OXR1: variants seen among roughly 807,000 people sequenced by gnomAD.
The protein encoded by OXR1 is oxidation resistance protein 1.
In OXR1, 41 loss-of-function variants were observed where a neutral mutation model predicts 104.6. The ratio of observed to expected loss-of-function variants is 0.39; its 90% CI spans 0.31 to 0.51. The LOEUF (loss-of-function observed/expected upper bound fraction) is 0.51. Among genes scored for constraint, OXR1 ranks in the 20% least tolerant of loss-of-function variants. The pLI, the probability that OXR1 is intolerant of heterozygous loss-of-function variation, is 0.77. For synonymous variants in OXR1, 348 were observed against 348.4 expected, an observed-to-expected ratio of 1.00 and a Z score of 0.01; for missense variants, 955 against 1,031.9, an observed-to-expected ratio of 0.93 and a Z score of 1.02.
chr8:106,328,496 T>G (rs1307480432), intron 1 of OXR1, among the ~76,000 whole-genome samples: 1 of 152,194 alleles, frequency 6.6e-6, no homozygotes, highest in Admixed American at 6.5e-5. Flanking sequence ...ATATCCTACA[T>G]TAAAAGTTAA....
chr8:106,588,280 TAGA>T (rs2130676337), intron 3 of OXR1, among the ~76,000 whole-genome samples: 2 of 151,454 alleles, frequency 1.3e-5, no homozygotes, highest in South Asian at 4.2e-4. Flanking sequence ...TTTTTTTAAA[TAGA>T]AGAAGAAACT....
At chr8:106,533,723 T>TC (rs1402018879) in intron 3 of OXR1, among the ~76,000 whole-genome samples, 1 of 151,542 alleles carries the variant, frequency 6.6e-6, no homozygotes, top group Non-Finnish European at 1.5e-5. Flanking sequence ...TTTTTTTTTT[T>TC]TTTTTTTGGA....
intron 3 of OXR1, among the ~76,000 whole-genome samples, chr8:106,586,772 A>G (rs1238245015): frequency 6.6e-6 from 1 of 152,084 alleles, no homozygotes; most frequent in Non-Finnish European, 1.5e-5. Context: ...CCTGGGGGCG[A>G]GTGAGGAAAG....
intron 2 of OXR1, among the ~76,000 whole-genome samples, chr8:106,501,656 C>T (rs1434305554): frequency 6.6e-6 from 1 of 152,144 alleles, no homozygotes; most frequent in East Asian, 1.9e-4. Context: ...TTCTGAAATG[C>T]CTCCTGCCTC....
chr8:106,458,712 A>T (rs1316065186), intron 2 of OXR1, among the ~76,000 whole-genome samples: 5 of 152,102 alleles, frequency 3.3e-5, no homozygotes, highest in Admixed American at 6.5e-5. Flanking sequence ...GGACTGCCTG[A>T]GGCCTTAGGA....
intron 2 of OXR1, among the ~76,000 whole-genome samples, chr8:106,470,210 A>G (rs929352447): frequency 6.6e-6 from 1 of 151,814 alleles, no homozygotes; most frequent in African/African-American, 2.4e-5. Context: ...TGAGCAGAAG[A>G]CATCATCTGT....
chr8:106,546,932 G>A (rs960988203), intron 3 of OXR1, among the ~76,000 whole-genome samples: 75 of 152,160 alleles, frequency 4.9e-4, no homozygotes, highest in African/African-American at 1.7e-3. Context: ...TCACTATGTC[G>A]CCAGGCTGGA....
At position 106,710,650 on chromosome 8, in the gene OXR1, G is replaced by C. The variant is rs762521311; in HGVS notation, c.1653G>C (p.Arg551Ser). 188 of 1,589,630 alleles carry C rather than the reference G, an allele frequency of 1.2e-4. 1 individual carries two copies. The highest frequency in any genetic ancestry group is 1.6e-4 in the Non-Finnish European group (184 of 1,169,056). The change falls in exon 10 of 17, where the codon AGG (arginine) becomes AGC (serine). Residue 551 changes from arginine to serine, a missense_variant. Coordinates refer to ENST00000517566, the MANE Select transcript of OXR1 (RefSeq NM_001198533.2). ...ESSALLKEKQRHRLHKFLCLR... is the reference protein window; with the variant it reads ...ESSALLKEKQSHRLHKFLCLR... ...CTGCACTTTTAAAAGAAAAGCAAAG[G>C]CATCGATTACATAAGTTCTTGTGTC...
chr8:106,706,671 A>G lies in OXR1; in HGVS notation c.1150A>G (p.Lys384Glu). Residue 384 changes from lysine to glutamate, a missense_variant, in exon 9 of 17, where the codon AAA becomes GAA. Around this residue, in one of 2 missense-constraint regions of OXR1, gnomAD observed 849 missense variants for 852.9 expected, o/e 1.00. Coordinates refer to ENST00000517566, the MANE Select transcript of OXR1 (RefSeq NM_001198533.2). ...GGCTGAAGTAGAAAGTCTGACAGTC[A>G]AATCAGAATCTACTGGTACTCCTGG... is the stretch of plus-strand genomic sequence containing the variant. ...NQAEVESLTV[K>E]SESTGTPGHL... 6.2e-7 allele frequency: 1 copy of G among 1,613,386 alleles called. No homozygotes were observed. Among genetic ancestry groups the G allele is most frequent in the Non-Finnish European group, 8.5e-7 (1 of 1,179,692 alleles).
intron 2 of OXR1, among the ~76,000 whole-genome samples, chr8:106,454,010 G>T (rs1230801950): frequency 6.6e-6 from 1 of 151,762 alleles, no homozygotes; most frequent in Non-Finnish European, 1.5e-5. Flanking sequence ...TATACTTCAG[G>T]AAAAAAGATT....
chr8:106,374,573 T>A (rs1816836183), intron 2 of OXR1, among the ~76,000 whole-genome samples: 1 of 152,226 alleles, frequency 6.6e-6, no homozygotes, highest in Non-Finnish European at 1.5e-5. Flanking sequence ...AGAGGTCACA[T>A]AAATGATATT....
In OXR1 at chr8:106,447,970, G is replaced by C; in HGVS notation, c.24-70973G>C. The C allele has an allele frequency of 2.0e-6, 3 of 1,535,296 alleles. No homozygotes were observed. The South Asian group carries it at 3.6e-5, about 18-fold the overall frequency. ...CTCACAGGTAACAGAACTCTGATCA[G>C]ATCCGCCCCGGCTCCCACACAGCTA... On this transcript the variant is annotated intron_variant, in intron 2 of 16. Coordinates refer to ENST00000517566, the MANE Select transcript of OXR1 (RefSeq NM_001198533.2).
chr8:106,641,196 T>C (rs908743342), intron 3 of OXR1, among the ~76,000 whole-genome samples: 5 of 152,202 alleles, frequency 3.3e-5, no homozygotes, highest in Admixed American at 2.6e-4. Context: ...CATCTTTCAT[T>C]CCCAGATTTT....
intron 2 of OXR1, among the ~76,000 whole-genome samples, chr8:106,361,606 A>AT (rs971163574): frequency 4.6e-4 from 70 of 152,006 alleles, no homozygotes; most frequent in African/African-American, 1.6e-3. Flanking sequence ...TTAACCTTCT[A>AT]TTTTTTTTAT....
intron 2 of OXR1, among the ~76,000 whole-genome samples, chr8:106,492,175 G>T (rs1321326599): frequency 6.6e-6 from 1 of 152,158 alleles, no homozygotes; most frequent in Non-Finnish European, 1.5e-5. Context: ...AGGTGCCTGG[G>T]TCACAGTTTG....
intron 2 of OXR1, among the ~76,000 whole-genome samples, chr8:106,499,464 C>T (rs1378075286): frequency 6.6e-6 from 1 of 152,112 alleles, no homozygotes; most frequent in Non-Finnish European, 1.5e-5. Context: ...CTTTCTTAGT[C>T]TATGTTGACA....
At chr8:106,746,816 C>T (rs1405950453) in intron 16 of OXR1, among the ~76,000 whole-genome samples, 1 of 152,058 alleles carries the variant, frequency 6.6e-6, no homozygotes, top group African/African-American at 2.4e-5. Flanking sequence ...TTCAGCCCTC[C>T]CCTAAACAGT....
rs151213967 is a variant in OXR1, at chr8:106,528,752, T to A, written c.220+9613T>A. Among the ~76,000 whole-genome samples, 142 of 152,318 alleles carry A rather than the reference T, an allele frequency of 9.3e-4. 2 individuals carry two copies. Among genetic ancestry groups the A allele is most frequent in the Non-Finnish European group, 3.7e-4 (25 of 68,022 alleles). ...ACTAATCTTGCTAGAGGTGGCACAT[T>A]CTGCAGTGTGAAACTAGGTCACCAC... is the stretch of plus-strand genomic sequence containing the variant. On this transcript the variant is annotated intron_variant, in intron 3 of 16. Coordinates refer to ENST00000517566, the MANE Select transcript of OXR1 (RefSeq NM_001198533.2).
At chr8:106,288,118 A>G (rs552267896) in intron 1 of OXR1, among the ~76,000 whole-genome samples, 1 of 152,326 alleles carries the variant, frequency 6.6e-6, no homozygotes, top group East Asian at 1.9e-4. Context: ...CTGCAGCCTG[A>G]AGACAGCTGG....
Sources: allele counts gnomAD v4.1 joint callset (sites outside exome capture counted in the v4.1 genomes callset), GRCh38; gene constraint gnomAD v4.1.1; regional missense constraint gnomAD v4.1.1; transcripts MANE v1.5; gene names NCBI Gene and HGNC (gene_info 2026-07-23, HGNC 2026-07-21).